The following PM20D2 variants were observed in gnomAD, a reference collection of about 807,000 sequenced individuals.
The protein encoded by PM20D2 is xaa-Arg dipeptidase.
Under a neutral mutation model 42.9 loss-of-function variants are expected in PM20D2, and 33 were observed. That is an observed-to-expected ratio of 0.77 (90% confidence interval 0.58 to 1.03). The LOEUF (loss-of-function observed/expected upper bound fraction) is 1.03, where lower values mean the gene tolerates loss of function less well. Among genes scored for constraint, PM20D2 ranks in the 50% least tolerant of loss-of-function variants. The pLI is 0.00. For missense variants in PM20D2, 548 were observed against 557.0 expected (o/e 0.98, Z 0.16); for synonymous variants, 250 against 228.2 (o/e 1.10, Z -0.86).
the PM20D2 span, among the ~76,000 whole-genome samples, chr6:89,095,758 G>A: frequency 2.6e-5 from 4 of 152,096 alleles, no homozygotes; most frequent in Admixed American, 6.6e-5. Context: ...TGTTAACACC[G>A]AAAAATATCA....
chr6:89,144,210 ATC>A (rs1372833607), upstream of PM20D2, among the ~76,000 whole-genome samples: 1 of 144,682 alleles, frequency 6.9e-6, no homozygotes, highest in Non-Finnish European at 1.5e-5. Flanking sequence ...CTTGAAATGA[ATC>A]TGTCTTTCCT....
At chr6:89,144,541 T>C (rs541511406), upstream of PM20D2, among the ~76,000 whole-genome samples, 60 of 152,344 alleles carry the variant, frequency 3.9e-4, no homozygotes, top group Middle Eastern at 3.4e-3. Context: ...GTCCACTACT[T>C]ACTAGCTCTA....
upstream of PM20D2, among the ~76,000 whole-genome samples, chr6:89,142,719 G>A (rs975891368): frequency 6.6e-6 from 1 of 151,894 alleles, no homozygotes; most frequent in Non-Finnish European, 1.5e-5. Context: ...GTGCAGTGAC[G>A]CGATCTCGGC....
chr6:89,107,120 T>A, the PM20D2 span: 1 of 1,548,988 alleles, frequency 6.5e-7, no homozygotes, highest in Non-Finnish European at 8.9e-7. Flanking sequence ...GCATATACAG[T>A]ATATTCACAT....
chr6:89,105,499 G>C, the PM20D2 span: 2 of 1,609,372 alleles, frequency 1.2e-6, no homozygotes, highest in Non-Finnish European at 1.7e-6. Flanking sequence ...AGGTTATAAA[G>C]AGCATCTTCA....
chr6:89,132,290 T>G, the PM20D2 span, among the ~76,000 whole-genome samples: 1 of 151,660 alleles, frequency 6.6e-6, no homozygotes, highest in Non-Finnish European at 1.5e-5. Flanking sequence ...GGCCGTTCCC[T>G]TCCCTCCACT....
At chr6:89,130,709 G>A in the PM20D2 span, among the ~76,000 whole-genome samples, 1 of 149,138 alleles carries the variant, frequency 6.7e-6, no homozygotes, top group Non-Finnish European at 1.5e-5. Flanking sequence ...ATCTTCCTGT[G>A]TTGGCCTCCC....
chr6:89,148,606 C>G, intron 1 of PM20D2: 1 of 949,236 alleles, frequency 1.1e-6, no homozygotes, highest in African/African-American at 1.8e-5. Context: ...CTGTTTCTAA[C>G]TGTGGCATTA....
At chr6:89,151,163 GA>G (rs1168004316) in intron 2 of PM20D2, among the ~76,000 whole-genome samples, 6 of 62,000 alleles carry the variant, frequency 9.7e-5, no homozygotes, top group Non-Finnish European at 1.2e-4. Flanking sequence ...CAAAAAAAAA[GA>G]AAAAAAAAAA....
At chr6:89,161,700 TA>T in intron 5 of PM20D2, 82 bp from the exon 6 acceptor site, 5 of 1,077,630 alleles carry the variant, frequency 4.6e-6, no homozygotes, top group Non-Finnish European at 7.1e-6. Context: ...GCGTCTCTTC[TA>T]ACAGGGACTG....
the PM20D2 span, among the ~76,000 whole-genome samples, chr6:89,125,000 C>T: frequency 1.3e-5 from 2 of 152,080 alleles, no homozygotes; most frequent in Admixed American, 6.5e-5. Context: ...TTCCAAAATG[C>T]TGGGGTTACA....
upstream of PM20D2, among the ~76,000 whole-genome samples, chr6:89,144,280 T>A (rs931323908): frequency 2.6e-5 from 4 of 151,852 alleles, no homozygotes; most frequent in Non-Finnish European, 5.9e-5. Flanking sequence ...GCAGCTTCTA[T>A]ATGAAATTAT....
the PM20D2 span, among the ~76,000 whole-genome samples, chr6:89,140,549 T>G: frequency 6.6e-6 from 1 of 152,192 alleles, no homozygotes; most frequent in South Asian, 2.1e-4. Flanking sequence ...CTCTAGATGT[T>G]GTATAGAGGA....
chr6:89,122,076 A>T, the PM20D2 span, among the ~76,000 whole-genome samples: 1 of 152,216 alleles, frequency 6.6e-6, no homozygotes, highest in Admixed American at 6.5e-5. Context: ...CCACATGTGA[A>T]TCTATTTATA....
At chr6:89,105,549 CA>C in the PM20D2 span, 1 of 1,518,218 alleles carries the variant, frequency 6.6e-7, no homozygotes, top group South Asian at 1.2e-5. Flanking sequence ...CTGTTAAGGA[CA>C]CTTTGAACAT....
At chr6:89,108,430 CCTAT>C in the PM20D2 span, among the ~76,000 whole-genome samples, 3 of 152,192 alleles carry the variant, frequency 2.0e-5, no homozygotes, top group Non-Finnish European at 4.4e-5. Context: ...GACAGAGTAA[CCTAT>C]CTAAGCTCAC....
chr6:89,140,065 A>T, the PM20D2 span, among the ~76,000 whole-genome samples: 12 of 152,298 alleles, frequency 7.9e-5, no homozygotes, highest in East Asian at 1.7e-3. Flanking sequence ...AGAGACAGAG[A>T]GCTGGGACTA....
the PM20D2 span, among the ~76,000 whole-genome samples, chr6:89,094,762 T>TC: frequency 6.7e-6 from 1 of 149,904 alleles, no homozygotes; most frequent in Non-Finnish European, 1.5e-5. Context: ...TGTCAGGTAC[T>TC]CGGCATTCTG....
chr6:89,098,893 TA>T, the PM20D2 span: 2 of 1,613,982 alleles, frequency 1.2e-6, no homozygotes, highest in Non-Finnish European at 1.7e-6. Context: ...ACCGCCTTGG[TA>T]ATGATTTGGA....
Sources: gnomAD v4.1 joint callset for allele counts (sites outside exome capture counted in the v4.1 genomes callset) on GRCh38, gnomAD v4.1.1 for gene constraint, MANE v1.5 for transcripts, NCBI Gene and HGNC (gene_info 2026-07-23, HGNC 2026-07-21) for gene names.